Variants in UNC5C observed in about 807,000 individuals in gnomAD.
The protein encoded by UNC5C is netrin receptor UNC5C.
A neutral mutation model predicts 99.8 loss-of-function variants in UNC5C; 47 were observed. That is an observed-to-expected ratio of 0.47 (90% CI 0.37 to 0.60). The LOEUF (loss-of-function observed/expected upper bound fraction) is 0.60, where lower values mean the gene tolerates loss of function less well. UNC5C is among the 20% of genes least tolerant of loss of function. The probability of loss-of-function intolerance (pLI) is 0.00; values close to 1 mark genes in which losing one functional copy is unlikely to be tolerated. For synonymous variants in UNC5C, 487 were observed against 452.2 expected (o/e 1.08, Z -0.98); for missense variants, 1,062 against 1,165.9 (o/e 0.91, Z 1.30).
chr4:95,334,744 G>A (rs533094286), intron 2 of UNC5C, among the ~76,000 whole-genome samples: 1 of 152,014 alleles, frequency 6.6e-6, no homozygotes, highest in South Asian at 2.1e-4. Context: ...TATTTACAGA[G>A]CAGCAAAGTC....
At chr4:95,240,646 A>G (rs575496552) in intron 7 of UNC5C, among the ~76,000 whole-genome samples, 2 of 151,802 alleles carry the variant, frequency 1.3e-5, no homozygotes, top group East Asian at 3.9e-4. Flanking sequence ...ACACAAACAA[A>G]CAAACAACTA....
At chr4:95,263,360 G>C (rs887445259) in intron 4 of UNC5C, among the ~76,000 whole-genome samples, 16 of 152,148 alleles carry the variant, frequency 1.1e-4, no homozygotes, top group Non-Finnish European at 2.1e-4. Flanking sequence ...AGTCTTTTAG[G>C]GATATGCTAG....
chr4:95,268,299 T>C (rs2149389736), intron 4 of UNC5C, among the ~76,000 whole-genome samples: 1 of 152,344 alleles, frequency 6.6e-6, no homozygotes, highest in South Asian at 2.1e-4. Flanking sequence ...TTCAAATACC[T>C]AAGAACTTGT....
intron 4 of UNC5C, among the ~76,000 whole-genome samples, chr4:95,273,865 G>C (rs1740755219): frequency 6.6e-6 from 1 of 151,996 alleles, no homozygotes; most frequent in Non-Finnish European, 1.5e-5. Context: ...CAGACTGATG[G>C]AGTCTGTCAT....
intron 1 of UNC5C, among the ~76,000 whole-genome samples, chr4:95,504,017 A>G (rs1412857381): frequency 1.3e-5 from 2 of 152,110 alleles, no homozygotes; most frequent in East Asian, 3.8e-4. Flanking sequence ...ATCAATCACC[A>G]CTATGTAATA....
At chr4:95,349,416 A>G (rs1560798626) in intron 1 of UNC5C, among the ~76,000 whole-genome samples, 2 of 145,478 alleles carry the variant, frequency 1.4e-5, no homozygotes, top group African/African-American at 5.0e-5. Context: ...TACAAGAAAT[A>G]TAAGGTAAAA....
intron 1 of UNC5C, among the ~76,000 whole-genome samples, chr4:95,483,489 G>C (rs1034325545): frequency 6.6e-6 from 1 of 151,570 alleles, no homozygotes; most frequent in African/African-American, 2.4e-5. Flanking sequence ...TACAATTTTT[G>C]TATATAAAAT....
intron 1 of UNC5C, among the ~76,000 whole-genome samples, chr4:95,440,745 C>T (rs1746927194): frequency 6.6e-6 from 1 of 152,060 alleles, no homozygotes; most frequent in Admixed American, 6.6e-5. Context: ...AACATTTGGC[C>T]ATGCCTCAGT....
intron 1 of UNC5C, among the ~76,000 whole-genome samples, chr4:95,438,410 T>C (rs1013835976): frequency 7.3e-5 from 11 of 151,382 alleles, no homozygotes; most frequent in Non-Finnish European, 1.6e-4. Context: ...TCCTCTTATT[T>C]AATAATTCAA....
chr4:95,295,517 G>A (rs1741641345), intron 3 of UNC5C, among the ~76,000 whole-genome samples: 1 of 152,160 alleles, frequency 6.6e-6, no homozygotes, highest in African/African-American at 2.4e-5. Flanking sequence ...AATATTGTAA[G>A]CAAGCTTAAA....
chr4:95,338,890 A>G (rs1973245), intron 1 of UNC5C, among the ~76,000 whole-genome samples: 60,762 of 151,784 alleles, frequency 0.4, 13,825 homozygotes, highest in East Asian at 0.84. Context: ...GTGTAGAATG[A>G]AAGTTCAAGA....
At chr4:95,331,332 C>CCG (rs1743102882) in intron 2 of UNC5C, among the ~76,000 whole-genome samples, 1 of 152,030 alleles carries the variant, frequency 6.6e-6, no homozygotes, top group African/African-American at 2.4e-5. Flanking sequence ...TGGGTAGATG[C>CCG]CAAGTAGTGG....
At chr4:95,300,456 G>C (rs1042786405) in intron 3 of UNC5C, among the ~76,000 whole-genome samples, 10 of 152,268 alleles carry the variant, frequency 6.6e-5, no homozygotes, top group African/African-American at 2.4e-4. Context: ...AACACAATTT[G>C]GAAAACAGTG....
At chr4:95,332,967 A>G (rs1743179905) in intron 2 of UNC5C, among the ~76,000 whole-genome samples, 1 of 152,210 alleles carries the variant, frequency 6.6e-6, no homozygotes, top group Admixed American at 6.5e-5. Context: ...AACACACGAA[A>G]AAAGGCTCAC....
At chr4:95,533,742 A>G (rs1372343307) in intron 1 of UNC5C, among the ~76,000 whole-genome samples, 1 of 152,180 alleles carries the variant, frequency 6.6e-6, no homozygotes, top group South Asian at 2.1e-4. Flanking sequence ...CATTCAATAG[A>G]ACTTCCTAAG....
intron 1 of UNC5C, among the ~76,000 whole-genome samples, chr4:95,345,807 T>C (rs1448995039): frequency 6.6e-6 from 1 of 151,718 alleles, no homozygotes; most frequent in Non-Finnish European, 1.5e-5. Flanking sequence ...TTGAAACAAA[T>C]GATAATGGAA....
At chr4:95,241,450 A>G (rs141108139) in intron 7 of UNC5C, among the ~76,000 whole-genome samples, 6 of 152,270 alleles carry the variant, frequency 3.9e-5, no homozygotes, top group East Asian at 3.8e-4. Context: ...ACAGGATTTC[A>G]TAAGTGTGGT....
chr4:95,418,068 T>C (rs574904116), intron 1 of UNC5C, among the ~76,000 whole-genome samples: 1 of 152,194 alleles, frequency 6.6e-6, no homozygotes, highest in African/African-American at 2.4e-5. Flanking sequence ...GGTGTGATAG[T>C]AGGTTAGCGA....
At chr4:95,190,810 T>TC (rs893879955) in intron 12 of UNC5C, among the ~76,000 whole-genome samples, 28 of 152,086 alleles carry the variant, frequency 1.8e-4, no homozygotes, top group African/African-American at 6.8e-4. Flanking sequence ...AGGGCCTCTT[T>TC]CCCCACTGCG....
Sources: gnomAD v4.1 joint callset for allele counts (sites outside exome capture counted in the v4.1 genomes callset) on GRCh38, gnomAD v4.1.1 for gene constraint, MANE v1.5 for transcripts, NCBI Gene and HGNC (gene_info 2026-07-23, HGNC 2026-07-21) for gene names.